Variants in UGT2B4 observed in about 807,000 individuals in gnomAD.
UGT2B4 encodes the protein UDP glucuronosyltransferase family 2 member B4.
In UGT2B4, 49 loss-of-function variants were observed where a neutral mutation model predicts 49.8. The ratio of observed to expected loss-of-function variants is 0.98; its 90% confidence interval spans 0.78 to 1.25. The LOEUF (loss-of-function observed/expected upper bound fraction) is 1.25, where lower values mean the gene tolerates loss of function less well. Among genes scored for constraint, UGT2B4 ranks in the 50% most tolerant of loss-of-function variants. The pLI is 0.00. For missense variants in UGT2B4, 729 were observed against 627.7 expected, an observed-to-expected ratio of 1.16 and a Z score of -1.73; for synonymous variants, 246 against 217.7, an observed-to-expected ratio of 1.13 and a Z score of -1.14.
chr4:69,492,398 T>C (rs1728015981), intron 2 of UGT2B4, among the ~76,000 whole-genome samples: 1 of 152,106 alleles, frequency 6.6e-6, no homozygotes, highest in Non-Finnish European at 1.5e-5. Flanking sequence ...TTTATATCGG[T>C]AAGGGATTAT....
At chr4:69,488,995 A>G (rs1441149709) in intron 3 of UGT2B4, among the ~76,000 whole-genome samples, 4 of 152,116 alleles carry the variant, frequency 2.6e-5, no homozygotes, top group Non-Finnish European at 5.9e-5. Context: ...AAACTGCATG[A>G]TGCATGTCAG....
chr4:69,500,666 A>AAAGAAAGAAAGAAAGAAAGGAAGG (rs1444201529), upstream of UGT2B4, among the ~76,000 whole-genome samples: 59 of 113,864 alleles, frequency 5.2e-4, no homozygotes, highest in Non-Finnish European at 1.1e-3. Context: ...AGAAAGAAAG[A>AAAGAAAGAAAGAAAGAAAGGAAGG]AAGGAAGGAA....
At chr4:69,511,018 C>T (rs1181310664) in intron 1 of UGT2B4, among the ~76,000 whole-genome samples, 40 of 130,794 alleles carry the variant, frequency 3.1e-4, no homozygotes, top group African/African-American at 1.1e-3. Flanking sequence ...GAGACAGTCT[C>T]GCTCTATCAT....
chr4:69,523,674 TG>T (rs1728897224), intron 1 of UGT2B4, among the ~76,000 whole-genome samples: 1 of 152,118 alleles, frequency 6.6e-6, no homozygotes, highest in African/African-American at 2.4e-5. Context: ...AGTCACCAGT[TG>T]AATTACACAC....
Position 69,495,409 on chromosome 4 carries a change from A to G in UGT2B4, c.453T>C (p.Asp151=), listed in dbSNP as rs201559463. The change falls in exon 1 of 6, where the codon GAT becomes GAC. Residue 151 remains aspartate, a synonymous_variant. Coordinates refer to ENST00000305107, the MANE Select transcript of UGT2B4 (RefSeq NM_021139.3). ...GCAGCTCACCAAAGGGGAAAACAGC[A>G]TCTGCAAGAACAACATCAAATCTTG... ...QESRFDVVLA[D]AVFPFGELLA... is the part of the protein sequence containing the mutation. 5 of 1,614,030 alleles carry G rather than the reference A, an allele frequency of 3.1e-6. No individual in the cohort carries two copies. The Admixed American group carries it at 6.7e-5, about 22-fold the overall frequency.
At chr4:69,481,848 T>G (rs745587592) in intron 5 of UGT2B4, among the ~76,000 whole-genome samples, 2 of 152,234 alleles carry the variant, frequency 1.3e-5, no homozygotes, top group Non-Finnish European at 2.9e-5. Context: ...TCTGCTTCTA[T>G]TCTACTCTTT....
chr4:69,493,812 C>T lies in UGT2B4; in HGVS notation c.751G>A (p.Ala251Thr). ...GRPTTLSETM[A>T]KADIWLIRNY... Reference sequence around the variant, plus strand: ...CGAATAAGCCATATGTCAGCTTTTGCCATTGTCTCAGATAACGTAGTGGGT... The same window carrying T: ...CGAATAAGCCATATGTCAGCTTTTGTCATTGTCTCAGATAACGTAGTGGGT... The change falls in exon 2 of 6, where the codon GCA (alanine) becomes ACA (threonine). Residue 251 changes from alanine (A) to threonine (T), a missense_variant. By Grantham distance (58) the Ala-to-Thr change is moderately conservative. Transcript: ENST00000305107. The T allele has an allele frequency of 6.2e-7, 1 of 1,604,164 alleles. No homozygotes were observed. The highest frequency in any genetic ancestry group is 8.5e-7 in the Non-Finnish European group (1 of 1,175,960).
At chr4:69,493,934 G>A in intron 1 of UGT2B4, 93 bp from the exon 2 acceptor site, 1 of 1,413,746 alleles carries the variant, frequency 7.1e-7, no homozygotes, top group Non-Finnish European at 9.5e-7. Context: ...GGGCAAAAAT[G>A]TAGGCAAAGT....
chr4:69,508,209 T>C (rs1018860582), intron 1 of UGT2B4, among the ~76,000 whole-genome samples: 1 of 151,796 alleles, frequency 6.6e-6, no homozygotes, highest in Non-Finnish European at 1.5e-5. Flanking sequence ...AAAAAACAGA[T>C]GTTGGAGAGA....
At chr4:69,501,885 T>C (rs920942542) in intron 1 of UGT2B4, among the ~76,000 whole-genome samples, 14 of 152,132 alleles carry the variant, frequency 9.2e-5, no homozygotes, top group Non-Finnish European at 1.5e-5. Flanking sequence ...TGTGTCACAC[T>C]TAAGGCCCTG....
Position 69,513,998 on chromosome 4 carries a change from A to AT in UGT2B4, c.-106+11688dup, listed in dbSNP as rs201309611. Reference sequence around the variant, plus strand: ...GGCTGAGATGATGGGGTTTTATTTTATTTTTTTTTAATTTTTTTTTATTAC... The same window carrying AT: ...GGCTGAGATGATGGGGTTTTATTTTATTTTTTTTTTAATTTTTTTTTATTAC... On this transcript the variant is annotated intron_variant, in intron 1 of 1. Coordinates refer to the UGT2B4 transcript ENST00000510114. 1.5e-3 allele frequency among the ~76,000 whole-genome samples: 195 copies of AT among 127,754 alleles called. 2 individuals are homozygous for AT. The highest frequency in any genetic ancestry group is 4.8e-3 in the African/African-American group (165 of 34,152). 83.8% of individuals were successfully genotyped at this position (127,754 alleles called of 152,430 possible). A position where few individuals can be genotyped will look rare whatever the true frequency, so the allele number is the denominator to read the frequency against.
At chr4:69,496,389 CAT>C (rs775619965), upstream of UGT2B4, among the ~76,000 whole-genome samples, 21 of 152,148 alleles carry the variant, frequency 1.4e-4, no homozygotes, top group Non-Finnish European at 2.6e-4. Flanking sequence ...TCACCTGACT[CAT>C]GTAATATATT....
intron 1 of UGT2B4, among the ~76,000 whole-genome samples, chr4:69,503,719 C>A (rs1330881571): frequency 2.0e-5 from 3 of 152,196 alleles, no homozygotes; most frequent in Non-Finnish European, 4.4e-5. Context: ...CCAACACCAC[C>A]TCCACTGTAA....
intron 1 of UGT2B4, among the ~76,000 whole-genome samples, chr4:69,525,462 T>C (rs1378241638): frequency 6.6e-6 from 1 of 152,108 alleles, no homozygotes; most frequent in African/African-American, 2.4e-5. Context: ...ATGAATGGCA[T>C]GTTTGGAAAA....
chr4:69,484,502 A>G (rs1727706787), intron 5 of UGT2B4, among the ~76,000 whole-genome samples: 1 of 152,186 alleles, frequency 6.6e-6, no homozygotes, highest in Admixed American at 6.6e-5. Context: ...TAAAAAAACA[A>G]CAAAAACTGT....
chr4:69,489,505 C>T lies in UGT2B4; in HGVS notation c.936G>A (p.Met312Ile). 6.2e-7 allele frequency: 1 copy of T among 1,611,666 alleles called. No homozygotes were observed. Residue 312 changes from methionine to isoleucine, a missense_variant, in exon 3 of 6, where the codon ATG (methionine) becomes ATA (isoleucine). By Grantham distance (10) the Met-to-Ile change is conservative. Coordinates refer to ENST00000305107, the MANE Select transcript of UGT2B4 (RefSeq NM_021139.3). ...NGVVVFSLGS[M>I]VSNTSEERAN... ...CCCTTTCTTCTGACGTGTTACTGAC[C>T]ATCGACCCCAGAGAAAACACCACAA...
chr4:69,495,816 A>G lies in UGT2B4; in HGVS notation c.46T>C (p.Cys16Arg), dbSNP rs1482562220. 6.2e-7 allele frequency: 1 copy of G among 1,611,020 alleles called. No individual in the cohort carries two copies. The highest frequency in any genetic ancestry group is 8.5e-7 in the Non-Finnish European group (1 of 1,179,144). ...TSALLLIQLS[C>R]YFSSGSCGKV... Reference sequence around the variant, plus strand: ...CCACAACTCCCAGAGCTAAAGTAACAGCTCAGCTGTATCAGCAGAAGAGCT... The same window carrying G: ...CCACAACTCCCAGAGCTAAAGTAACGGCTCAGCTGTATCAGCAGAAGAGCT... Residue 16 changes from cysteine (C) to arginine (R), a missense_variant, in exon 1 of 6, where the codon TGT (cysteine) becomes CGT (arginine). By Grantham distance (180) the Cys-to-Arg change is radical (BLOSUM62 -3). Transcript: ENST00000305107.
chr4:69,486,844 T>C (rs1264002098), intron 3 of UGT2B4, 148 bp from the exon 4 acceptor site: 4 of 490,686 alleles, frequency 8.2e-6, no homozygotes, highest in Admixed American at 7.7e-5. Flanking sequence ...TACTCATATT[T>C]CATTTCCTTA....
upstream of UGT2B4, among the ~76,000 whole-genome samples, chr4:69,500,489 A>G (rs990922801): frequency 6.9e-6 from 1 of 144,618 alleles, no homozygotes; most frequent in Non-Finnish European, 1.5e-5. Flanking sequence ...GAAAAGAAAG[A>G]AAGCAAGAAA....
Sources: allele counts gnomAD v4.1 joint callset (sites outside exome capture counted in the v4.1 genomes callset), GRCh38; gene constraint gnomAD v4.1.1; transcripts MANE v1.5; gene names NCBI Gene and HGNC (gene_info 2026-07-23, HGNC 2026-07-21).